MKLN1: variants seen among roughly 807,000 people sequenced by gnomAD.
MKLN1 encodes muskelin 1, also known as muskelin.
A neutral mutation model predicts 99.0 loss-of-function variants in MKLN1; 18 were observed. The ratio of observed to expected loss-of-function variants is 0.18; its 90% CI spans 0.13 to 0.27. The LOEUF is 0.27. Among genes scored for constraint, MKLN1 ranks in the 10% least tolerant of loss-of-function variants. The pLI, the probability that MKLN1 is intolerant of heterozygous loss-of-function variation, is 1.00. For synonymous variants in MKLN1, 288 were observed against 293.2 expected, an observed-to-expected ratio of 0.98 and a Z score of 0.18; for missense variants, 621 against 875.9, an observed-to-expected ratio of 0.71 and a Z score of 3.67.
At chr7:131,197,280 T>C (rs1202382917) in intron 2 of MKLN1, among the ~76,000 whole-genome samples, 3 of 151,830 alleles carry the variant, frequency 2.0e-5, no homozygotes, top group Admixed American at 1.3e-4. Flanking sequence ...CATGGCTCTC[T>C]GCAGCCTTGA....
In MKLN1 at chr7:131,480,020, C is replaced by CAAA. The variant is rs1224471886; in HGVS notation, c.2086+1362_2086+1364dup. 3.6e-4 allele frequency among the ~76,000 whole-genome samples: 22 copies of CAAA among 61,278 alleles called. 1 individual carries two copies. Among genetic ancestry groups the CAAA allele is most frequent in the Admixed American group, 5.6e-4 (3 of 5,368 alleles). The allele number at this position is 61,278 out of a possible 152,430, so 40.2% of individuals were successfully genotyped here. A position where few individuals can be genotyped will look rare whatever the true frequency, so the allele number is the denominator to read the frequency against. On this transcript the variant is annotated intron_variant, in intron 17 of 17. Transcript: ENST00000352689. ...TGGGCGACAGAGGAAGACTCCATCT[C>CAAA]AAAAAAAAAAAAAAAAAAAAATACC...
At chr7:131,421,024 T>A (rs548744929) in intron 8 of MKLN1, among the ~76,000 whole-genome samples, 5 of 152,328 alleles carry the variant, frequency 3.3e-5, no homozygotes, top group African/African-American at 1.2e-4. Context: ...CATATTTAAA[T>A]TTTCAGATTC....
rs1270715833 is a variant in MKLN1, at chr7:131,490,566, G to GTGCT, written c.*2839_*2842dup. On this transcript the variant is annotated 3_prime_UTR_variant, in exon 18 of 18. Coordinates refer to ENST00000352689, the MANE Select transcript of MKLN1 (RefSeq NM_013255.5). ...AATTCAGACTTAAATGCCTACCTCT[G>GTGCT]TGCTGAAGCTGACAGACAGTATTAA... 1 of 152,504 alleles carries GTGCT rather than the reference G, an allele frequency of 6.6e-6. No homozygotes were observed. The highest frequency in any genetic ancestry group is 6.6e-5 in the Admixed American group (1 of 15,264). 9.4% of individuals were successfully genotyped at this position (152,504 alleles called of 1,614,324 possible). A position where few individuals can be genotyped will look rare whatever the true frequency, so the allele number is the denominator to read the frequency against.
At chr7:131,190,561 T>C (rs186344870) in intron 2 of MKLN1, among the ~76,000 whole-genome samples, 97 of 152,250 alleles carry the variant, frequency 6.4e-4, no homozygotes, top group Non-Finnish European at 1.1e-3. Flanking sequence ...TTATAGAGAC[T>C]ATTTTTTTTT....
At chr7:131,117,161 G>A (rs2116178455) in intron 1 of MKLN1, among the ~76,000 whole-genome samples, 1 of 152,196 alleles carries the variant, frequency 6.6e-6, no homozygotes, top group Non-Finnish European at 1.5e-5. Flanking sequence ...GCTGGGCGCG[G>A]TGGCTCAGGC....
chr7:131,269,607 C>T (rs570087150), intron 3 of MKLN1, among the ~76,000 whole-genome samples: 2 of 152,298 alleles, frequency 1.3e-5, no homozygotes, highest in African/African-American at 4.8e-5. Flanking sequence ...TAAATGTTTT[C>T]GTCTTTTCTC....
chr7:131,186,455 C>T (rs1278383692), intron 2 of MKLN1, among the ~76,000 whole-genome samples: 2 of 152,184 alleles, frequency 1.3e-5, no homozygotes, highest in Non-Finnish European at 2.9e-5. Context: ...CTGCAGAGAA[C>T]CATGATCGTG....
At chr7:131,346,941 T>G (rs766201876) in intron 1 of MKLN1, among the ~76,000 whole-genome samples, 10 of 152,144 alleles carry the variant, frequency 6.6e-5, no homozygotes, top group Non-Finnish European at 1.2e-4. Context: ...AATGAAAAAT[T>G]GAAATGGAGG....
intron 1 of MKLN1, among the ~76,000 whole-genome samples, chr7:131,372,721 G>GTTT (rs551063120): frequency 8.4e-5 from 11 of 130,562 alleles, no homozygotes; most frequent in Non-Finnish European, 1.3e-4. Context: ...TATCCCCTAG[G>GTTT]TTTTTTTTTT....
chr7:131,409,077 G>T (rs1794794618), intron 6 of MKLN1, among the ~76,000 whole-genome samples: 2 of 152,098 alleles, frequency 1.3e-5, no homozygotes, highest in South Asian at 4.1e-4. Context: ...TCTTTAAACA[G>T]AAATAATTTT....
intron 2 of MKLN1, among the ~76,000 whole-genome samples, chr7:131,383,804 A>C (rs1412764044): frequency 6.6e-6 from 1 of 152,206 alleles, no homozygotes; most frequent in Non-Finnish European, 1.5e-5. Flanking sequence ...AATGTGTGTC[A>C]AAACTGTCTA....
intron 12 of MKLN1, among the ~76,000 whole-genome samples, chr7:131,461,892 T>C (rs1281536207): frequency 6.6e-6 from 1 of 152,202 alleles, no homozygotes; most frequent in East Asian, 1.9e-4. Context: ...GCCATATCAG[T>C]GTTTTACAGA....
rs752681625 is a variant in MKLN1 at position 131,344,969 on chromosome 7, T to C, written c.98+16972T>C. On this transcript the variant is annotated intron_variant, in intron 1 of 17. Coordinates refer to ENST00000352689, the MANE Select transcript of MKLN1 (RefSeq NM_013255.5). Reference sequence around the variant, plus strand: ...GGCACGCACCACTGCGCCTGGCTAATTTTTTTTTGTATTTTTAGTAAAGAC... The same window carrying C: ...GGCACGCACCACTGCGCCTGGCTAACTTTTTTTTGTATTTTTAGTAAAGAC... 2.6e-5 allele frequency among the ~76,000 whole-genome samples: 4 copies of C among 151,550 alleles called. No individual in the cohort carries two copies. In the South Asian group the frequency reaches 6.2e-4, roughly 24 times the overall value.
intron 2 of MKLN1, among the ~76,000 whole-genome samples, chr7:131,190,331 C>G (rs1796516010): frequency 6.6e-6 from 1 of 152,064 alleles, no homozygotes. Context: ...TATGTGTTTT[C>G]TCTCAGACCT....
chr7:131,360,407 A>G (rs1799995710), intron 1 of MKLN1, among the ~76,000 whole-genome samples: 1 of 152,078 alleles, frequency 6.6e-6, no homozygotes, highest in Non-Finnish European at 1.5e-5. Context: ...TAAAATGGAC[A>G]TTGATTGTGA....
intron 2 of MKLN1, among the ~76,000 whole-genome samples, chr7:131,386,719 T>G (rs1300395994): frequency 6.6e-6 from 1 of 152,234 alleles, no homozygotes; most frequent in African/African-American, 2.4e-5. Flanking sequence ...AGTGCCGCTT[T>G]CAAACATTGG....
At chr7:131,449,001 G>T (rs1796101049) in intron 12 of MKLN1, among the ~76,000 whole-genome samples, 1 of 152,202 alleles carries the variant, frequency 6.6e-6, no homozygotes, top group Non-Finnish European at 1.5e-5. Flanking sequence ...TTCTAGTGGA[G>T]AGAGACCTGC....
intron 17 of MKLN1, among the ~76,000 whole-genome samples, chr7:131,482,355 G>A (rs1477481400): frequency 6.6e-6 from 1 of 152,094 alleles, no homozygotes; most frequent in African/African-American, 2.4e-5. Context: ...CAACCATGCT[G>A]AGCTAATTTT....
At chr7:131,152,893 C>T (rs1381715433) in intron 2 of MKLN1, among the ~76,000 whole-genome samples, 1 of 151,628 alleles carries the variant, frequency 6.6e-6, no homozygotes, top group African/African-American at 2.4e-5. Context: ...CATTTTTTTC[C>T]TCATAACTTA....
Sources: gnomAD v4.1 joint callset for allele counts (sites outside exome capture counted in the v4.1 genomes callset) on GRCh38, gnomAD v4.1.1 for gene constraint, MANE v1.5 for transcripts, NCBI Gene and HGNC (gene_info 2026-07-23, HGNC 2026-07-21) for gene names.